The following NAV2 variants were observed in gnomAD, a reference collection of about 807,000 sequenced individuals.
The protein encoded by NAV2 is neuron navigator 2.
In NAV2, 54 loss-of-function variants were observed where a neutral mutation model predicts 223.2. That is an observed-to-expected ratio of 0.24 (90% CI 0.19 to 0.30). The LOEUF is 0.30. NAV2 is among the 10% of genes least tolerant of loss of function. NAV2 has a pLI of 1.00. For synonymous variants in NAV2, 1,279 were observed against 1,239.3 expected (o/e 1.03, Z -0.67); for missense variants, 2,806 against 3,147.5 (o/e 0.89, Z 2.60).
intron 20 of NAV2, among the ~76,000 whole-genome samples, chr11:20,062,992 C>T (rs2058805329): frequency 6.6e-6 from 1 of 152,232 alleles, no homozygotes; most frequent in South Asian, 2.1e-4. Flanking sequence ...GGTGCCCGAA[C>T]AGCCTCAGTT....
chr11:19,437,774 C>T (rs890449853), intron 1 of NAV2, among the ~76,000 whole-genome samples: 14 of 152,118 alleles, frequency 9.2e-5, no homozygotes, highest in Admixed American at 3.3e-4. Context: ...TGTTTCTACC[C>T]ATTATAAAGT....
intron 5 of NAV2, chr11:19,884,282 C>T (rs1346529959): frequency 1.2e-6 from 2 of 1,607,328 alleles, no homozygotes; most frequent in Admixed American, 1.7e-5. Context: ...TTTTTTCTTT[C>T]CTATCATGCA....
rs1324347469 is a variant in NAV2 at position 19,998,118 on chromosome 11, T to C, written c.2768+13871T>C. Among the ~76,000 whole-genome samples, 3 of 150,068 alleles carry C rather than the reference T, an allele frequency of 2.0e-5. No individual in the cohort carries two copies. Among genetic ancestry groups the C allele is most frequent in the East Asian group, 1.9e-4 (1 of 5,172 alleles). On this transcript the variant is annotated intron_variant, in intron 11 of 37. Transcript: ENST00000349880. The surrounding 1 kb of genome is among the most constrained non-coding windows in gnomAD (Gnocchi z 5.0). ...GGCATATACAGTAGGAGACGTTTGCTATATTTTAGGTAATTAATATTATCC... is the reference window on the plus strand; with the variant it reads ...GGCATATACAGTAGGAGACGTTTGCCATATTTTAGGTAATTAATATTATCC...
chr11:20,044,382 C>G lies in NAV2; in HGVS notation c.3199+110C>G, dbSNP rs148544359. 5.4e-5 allele frequency: 54 copies of G among 1,004,932 alleles called. No homozygotes were observed. The African/African-American group carries it at 6.1e-4, about 11-fold the overall frequency. 62.3% of individuals were successfully genotyped at this position (1,004,932 alleles called of 1,614,324 possible). On this transcript the variant is annotated intron_variant, in intron 13 of 37. Coordinates refer to ENST00000349880, the MANE Select transcript of NAV2 (RefSeq NM_145117.5). ...TATATTTTGTCTCAGGATTTATACT[C>G]TGCTAACAACGAGCTTCCATAAACT...
chr11:19,393,325 G>T (rs535464948), intron 1 of NAV2, among the ~76,000 whole-genome samples: 1 of 152,340 alleles, frequency 6.6e-6, no homozygotes, highest in East Asian at 1.9e-4. Flanking sequence ...ATATGCCATT[G>T]AGCCCAGTGC....
At chr11:19,371,096 G>A (rs1169540853) in intron 1 of NAV2, among the ~76,000 whole-genome samples, 1 of 152,134 alleles carries the variant, frequency 6.6e-6, no homozygotes, top group Non-Finnish European at 1.5e-5. Context: ...CATTGCTGTC[G>A]CTGGAAAAGG....
chr11:19,792,676 T>C (rs1033976210), intron 1 of NAV2, among the ~76,000 whole-genome samples: 2 of 152,180 alleles, frequency 1.3e-5, no homozygotes, highest in African/African-American at 4.8e-5. Context: ...ACATCTCTTC[T>C]GCTTTATTTG....
chr11:20,113,263 G>T (rs763115256), intron 36 of NAV2, among the ~76,000 whole-genome samples: 2 of 152,160 alleles, frequency 1.3e-5, no homozygotes, highest in Non-Finnish European at 2.9e-5. Context: ...CAAGGTATTC[G>T]TAAAGCATTT....
rs1590323411 is a variant in NAV2 at position 19,491,722 on chromosome 11, T to C, written c.75+140695T>C. Among the ~76,000 whole-genome samples the C allele has an allele frequency of 2.0e-5, 3 of 152,352 alleles. No individual in the cohort carries two copies. The South Asian group carries it at 6.2e-4, about 32-fold the overall frequency. ...CACTGGAATAACACTTTTAACTTCC[T>C]TCAAAAGCTTTTTCTTTGCATTCAC... On this transcript the variant is annotated intron_variant, in intron 1 of 37. Transcript: ENST00000360655.
intron 11 of NAV2, among the ~76,000 whole-genome samples, chr11:19,993,941 C>T (rs974347431): frequency 9.9e-5 from 15 of 152,102 alleles, no homozygotes; most frequent in Non-Finnish European, 2.1e-4. Context: ...AGTCCCTGTA[C>T]TCAAGAAGCT....
chr11:19,425,022 C>G (rs1850770669), intron 1 of NAV2, among the ~76,000 whole-genome samples: 2 of 152,150 alleles, frequency 1.3e-5, no homozygotes, highest in African/African-American at 4.8e-5. Flanking sequence ...TGGGCATATA[C>G]TATGCTTGAG....
At position 20,114,801 on chromosome 11, in the gene NAV2, T is replaced by C; in HGVS notation, c.7164+6T>C. ...ATGCTGAAGGTGACCCGCTGGTGAGTCCTCAGCCACCAGAGCAGCTCAGCA... is the reference window on the plus strand; with the variant it reads ...ATGCTGAAGGTGACCCGCTGGTGAGCCCTCAGCCACCAGAGCAGCTCAGCA... On this transcript the variant is annotated splice_donor_region_variant and intron_variant, in intron 37 of 37. Transcript: ENST00000349880. 6.2e-7 allele frequency: 1 copy of C among 1,611,638 alleles called. No homozygotes were observed. The highest frequency in any genetic ancestry group is 1.1e-5 in the South Asian group (1 of 90,610).
intron 10 of NAV2, among the ~76,000 whole-genome samples, chr11:19,969,895 G>A (rs950769597): frequency 6.6e-6 from 1 of 151,028 alleles, no homozygotes. Context: ...GCAGTGAGCC[G>A]AGATAGCACC....
intron 1 of NAV2, among the ~76,000 whole-genome samples, chr11:19,501,423 T>TCTC (rs994389230): frequency 6.6e-6 from 1 of 151,994 alleles, no homozygotes; most frequent in African/African-American, 2.4e-5. Flanking sequence ...TGCCTACCTT[T>TCTC]CTTCTTCTTT....
intron 1 of NAV2, among the ~76,000 whole-genome samples, chr11:19,575,914 A>G (rs2045558867): frequency 6.6e-6 from 1 of 152,192 alleles, no homozygotes; most frequent in East Asian, 1.9e-4. Flanking sequence ...GTTGTAGCCC[A>G]TTGTAACACA....
chr11:19,500,953 G>T (rs562457251), intron 1 of NAV2, among the ~76,000 whole-genome samples: 2 of 152,154 alleles, frequency 1.3e-5, no homozygotes, highest in East Asian at 3.9e-4. Context: ...GTCTGACAGC[G>T]TCTCACTGGG....
intron 1 of NAV2, among the ~76,000 whole-genome samples, chr11:19,632,015 T>G (rs1443000327): frequency 6.6e-6 from 1 of 152,236 alleles, no homozygotes; most frequent in Admixed American, 6.5e-5. Context: ...CACTTCTTAC[T>G]TTACTCTGGT....
chr11:19,404,153 T>TA (rs1407907025), intron 1 of NAV2, among the ~76,000 whole-genome samples: 2 of 152,124 alleles, frequency 1.3e-5, no homozygotes, highest in East Asian at 3.9e-4. Flanking sequence ...GCCCAATTGC[T>TA]CGGGGCCCTG....
chr11:19,785,430 C>A (rs1045427739), intron 1 of NAV2, among the ~76,000 whole-genome samples: 4 of 152,206 alleles, frequency 2.6e-5, no homozygotes, highest in Admixed American at 6.5e-5. Context: ...ATAACCCTGC[C>A]ATCTCCCATT....
Sources: allele counts gnomAD v4.1 joint callset (sites outside exome capture counted in the v4.1 genomes callset), GRCh38; gene constraint gnomAD v4.1.1; non-coding constraint Gnocchi (gnomAD v3.1); transcripts MANE v1.5; gene names NCBI Gene and HGNC (gene_info 2026-07-23, HGNC 2026-07-21).